The following CNTNAP2 variants were observed in gnomAD, a reference collection of about 807,000 sequenced individuals.
CNTNAP2 encodes the protein contactin-associated protein-like 2.
In CNTNAP2, 98 loss-of-function variants were observed where a neutral mutation model predicts 155.2. The observed-to-expected ratio is 0.63, with a 90% CI of 0.54 to 0.75. CNTNAP2 has a LOEUF of 0.75. Among genes scored for constraint, CNTNAP2 ranks in the 30% least tolerant of loss-of-function variants. The pLI, the probability that CNTNAP2 is intolerant of heterozygous loss-of-function variation, is 0.00. For synonymous variants in CNTNAP2, 651 were observed against 631.2 expected, an observed-to-expected ratio of 1.03 and a Z score of -0.47; for missense variants, 1,727 against 1,688.1, an observed-to-expected ratio of 1.02 and a Z score of -0.40.
Position 146,739,777 on chromosome 7 carries a change from T to C in CNTNAP2, c.98-34494T>C, listed in dbSNP as rs189314675. ...CTATTGTTTTATTGCAGTCTATATC[T>C]CTTTTTAAGTATATTAATACTTGGT... On this transcript the variant is annotated intron_variant, in intron 1 of 23. Transcript: ENST00000361727. Among the ~76,000 whole-genome samples the C allele has an allele frequency of 6.6e-5, 10 of 152,174 alleles. No homozygotes were observed. In the East Asian group the frequency reaches 1.9e-3, roughly 29 times the overall value.
At chr7:147,457,347 G>C (rs1366693654) in intron 10 of CNTNAP2, among the ~76,000 whole-genome samples, 5 of 152,040 alleles carry the variant, frequency 3.3e-5, no homozygotes, top group Non-Finnish European at 7.4e-5. Context: ...TCCATTTTGG[G>C]TTCTTTGCAG....
chr7:147,872,735 T>G (rs974406630), intron 13 of CNTNAP2, among the ~76,000 whole-genome samples: 3 of 152,204 alleles, frequency 2.0e-5, no homozygotes, highest in Admixed American at 6.5e-5. Context: ...CACCCTTTTT[T>G]GGGGGCGTAG....
intron 1 of CNTNAP2, among the ~76,000 whole-genome samples, chr7:146,563,510 C>T (rs1365967394): frequency 6.6e-6 from 1 of 152,046 alleles, no homozygotes; most frequent in Non-Finnish European, 1.5e-5. Context: ...TAGAAATTGA[C>T]ACATAGAAAT....
At chr7:146,151,642 A>ATATATATATATATATATG (rs1798041142) in intron 1 of CNTNAP2, among the ~76,000 whole-genome samples, 1 of 19,736 alleles carries the variant, frequency 5.1e-5, no homozygotes, top group South Asian at 2.8e-3. Flanking sequence ...CGTGATATAT[A>ATATATATATATATATATG]TATATATATA....
At chr7:147,157,034 T>A (rs1473139090) in intron 8 of CNTNAP2, among the ~76,000 whole-genome samples, 1 of 152,092 alleles carries the variant, frequency 6.6e-6, no homozygotes, top group Non-Finnish European at 1.5e-5. Flanking sequence ...TCACTCTCCA[T>A]TTGTCTCCAG....
At chr7:148,298,320 A>C (rs942055726) in intron 21 of CNTNAP2, among the ~76,000 whole-genome samples, 2 of 152,206 alleles carry the variant, frequency 1.3e-5, no homozygotes, top group African/African-American at 4.8e-5. Context: ...TTGCAATGTC[A>C]CCACATCATT....
At chr7:147,888,111 T>C (rs1799629481) in intron 13 of CNTNAP2, among the ~76,000 whole-genome samples, 1 of 152,186 alleles carries the variant, frequency 6.6e-6, no homozygotes, top group African/African-American at 2.4e-5. Context: ...TCACCAAATG[T>C]ATGGGGAAAC....
In CNTNAP2 at chr7:146,362,766, C is replaced by CTTTT. The variant is rs773124124; in HGVS notation, c.97+245813_97+245816dup. On this transcript the variant is annotated intron_variant, in intron 1 of 23. Coordinates refer to ENST00000361727, the MANE Select transcript of CNTNAP2 (RefSeq NM_014141.6). Reference sequence around the variant, plus strand: ...AATGATATTAAATATTCACACAGCACTTTTTTTTTTTTTTTTTTTTTTTGA... The same window carrying CTTTT: ...AATGATATTAAATATTCACACAGCACTTTTTTTTTTTTTTTTTTTTTTTTTTTGA... 2.7e-4 allele frequency among the ~76,000 whole-genome samples: 26 copies of CTTTT among 96,434 alleles called. 1 individual carries two copies. Among genetic ancestry groups the CTTTT allele is most frequent in the Non-Finnish European group, 4.0e-4 (21 of 52,066 alleles). The allele number at this position is 96,434 out of a possible 152,430, so 63.3% of individuals were successfully genotyped here.
intron 3 of CNTNAP2, among the ~76,000 whole-genome samples, chr7:146,879,380 ATTATT>A (rs1795492792): frequency 6.6e-6 from 1 of 152,144 alleles, no homozygotes; most frequent in East Asian, 1.9e-4. Context: ...ATGTTTTAAA[ATTATT>A]TTAATGTTAC....
chr7:146,476,495 CTG>C (rs1440860240), intron 1 of CNTNAP2, among the ~76,000 whole-genome samples: 2 of 151,964 alleles, frequency 1.3e-5, no homozygotes, highest in African/African-American at 4.8e-5. Context: ...TTTTGTGTGA[CTG>C]TAATTATTAT....
At chr7:147,098,491 T>C (rs555159727) in intron 4 of CNTNAP2, among the ~76,000 whole-genome samples, 2 of 152,328 alleles carry the variant, frequency 1.3e-5, no homozygotes, top group African/African-American at 4.8e-5. Context: ...AACCCCAGTC[T>C]TGACACAATG....
intron 12 of CNTNAP2, among the ~76,000 whole-genome samples, chr7:147,587,592 G>A (rs1490997252): frequency 6.6e-6 from 1 of 152,188 alleles, no homozygotes; most frequent in African/African-American, 2.4e-5. Flanking sequence ...TGCTTATAGA[G>A]TTGGAAGTGT....
At chr7:147,273,517 C>T (rs1172974347) in intron 8 of CNTNAP2, among the ~76,000 whole-genome samples, 2 of 151,976 alleles carry the variant, frequency 1.3e-5, no homozygotes, top group East Asian at 3.9e-4. Flanking sequence ...CTCTGACCCA[C>T]CCCACTTTGG....
chr7:146,908,431 C>A (rs1179095654), intron 3 of CNTNAP2, among the ~76,000 whole-genome samples: 4 of 143,342 alleles, frequency 2.8e-5, no homozygotes, highest in African/African-American at 7.9e-5. Flanking sequence ...TGTAAAAGAA[C>A]AGAAATTATA....
At chr7:146,924,728 C>A (rs1796570861) in intron 3 of CNTNAP2, among the ~76,000 whole-genome samples, 1 of 151,954 alleles carries the variant, frequency 6.6e-6, no homozygotes, top group Non-Finnish European at 1.5e-5. Context: ...AAAAAAAATT[C>A]TAATCTTAAT....
At chr7:147,042,908 C>A (rs146425163) in intron 3 of CNTNAP2, among the ~76,000 whole-genome samples, 2 of 151,946 alleles carry the variant, frequency 1.3e-5, no homozygotes, top group Admixed American at 6.6e-5. Context: ...AAGAGAATAT[C>A]TTCTAAAAGA....
intron 13 of CNTNAP2, among the ~76,000 whole-genome samples, chr7:147,833,211 G>A (rs986089684): frequency 3.3e-5 from 5 of 151,478 alleles, no homozygotes; most frequent in African/African-American, 9.7e-5. Context: ...GCGGGAACAT[G>A]AGGAGATGGT....
chr7:146,197,215 C>T (rs1052187402), intron 1 of CNTNAP2, among the ~76,000 whole-genome samples: 11 of 152,144 alleles, frequency 7.2e-5, no homozygotes, highest in African/African-American at 1.4e-4. Context: ...AATTAATGTA[C>T]GTAAGCTCAT....
chr7:146,127,223 G>A (rs1797650150), intron 1 of CNTNAP2, among the ~76,000 whole-genome samples: 2 of 151,996 alleles, frequency 1.3e-5, no homozygotes, highest in Admixed American at 1.3e-4. Flanking sequence ...TTTTATCTAT[G>A]CTGTTTTAGA....
Sources: gnomAD v4.1 joint callset for allele counts (sites outside exome capture counted in the v4.1 genomes callset) on GRCh38, gnomAD v4.1.1 for gene constraint, MANE v1.5 for transcripts, NCBI Gene and HGNC (gene_info 2026-07-23, HGNC 2026-07-21) for gene names.